Variants in UBQLN1 observed in about 807,000 individuals in gnomAD.
UBQLN1 encodes the protein ubiquilin-1.
In UBQLN1, 13 loss-of-function variants were observed where a neutral mutation model predicts 65.4. That is an observed-to-expected ratio of 0.20 (90% confidence interval 0.13 to 0.32). The LOEUF is 0.32. UBQLN1 is among the 10% of genes least tolerant of loss of function. UBQLN1 has a pLI of 1.00. For synonymous variants in UBQLN1, 267 were observed against 247.8 expected, an observed-to-expected ratio of 1.08 and a Z score of -0.73; for missense variants, 561 against 724.0, an observed-to-expected ratio of 0.77 and a Z score of 2.58.
At chr9:83,681,116 T>C (rs1443384584) in intron 3 of UBQLN1, among the ~76,000 whole-genome samples, 1 of 152,206 alleles carries the variant, frequency 6.6e-6, no homozygotes, top group Non-Finnish European at 1.5e-5. Flanking sequence ...AATTCACCTA[T>C]AAACACTGGG....
chr9:83,677,584 A>G (rs1831857099), intron 6 of UBQLN1, 143 bp downstream of exon 6: 1 of 685,160 alleles, frequency 1.5e-6, no homozygotes, highest in Admixed American at 3.2e-5. Context: ...ACAAAACAAA[A>G]CAAAAGCAAC....
In UBQLN1 at chr9:83,707,609, C is replaced by T. The variant is rs772831475; in HGVS notation, c.71G>A (p.Gly24Asp). Reference protein sequence around the residue: ...QDSAAGAEGAGAPAAAASAEP... With the variant: ...QDSAAGAEGADAPAAAASAEP... ...CGCGGAGGCAGCGGCCGCGGGGGCG[C>T]CAGCACCTTCGGCTCCGGCGGCGCT... Residue 24 changes from glycine to aspartate, a missense_variant, in exon 1 of 11, where the codon GGC becomes GAC. By Grantham distance (94) the Gly-to-Asp change is moderately conservative. Transcript: ENST00000376395. 1 of 1,594,462 alleles carries T rather than the reference C, an allele frequency of 6.3e-7. No homozygotes were observed. The highest frequency in any genetic ancestry group is 1.1e-5 in the South Asian group (1 of 88,778).
At chr9:83,695,112 A>ACCT in intron 1 of UBQLN1, among the ~76,000 whole-genome samples, 1 of 152,114 alleles carries the variant, frequency 6.6e-6, no homozygotes, top group Admixed American at 6.5e-5. Context: ...TAAAAATTAT[A>ACCT]TATGAACATA....
Position 83,679,943 on chromosome 9 carries a change from A to G in UBQLN1, c.543T>C (p.Ser181=). 1 of 1,614,192 alleles carries G rather than the reference A, an allele frequency of 6.2e-7. No homozygotes were observed. ...LQSQMQRQLL[S]NPEMMVQIME... is the part of the protein sequence containing the mutation. ...TGATCTGGACCATCATTTCAGGGTT[A>G]GACAAAAGTTGTCGCTGCATCTGAC... is the stretch of plus-strand genomic sequence containing the variant. The change falls in exon 4 of 11, where the codon TCT becomes TCC. Residue 181 remains serine, a synonymous_variant. Coordinates refer to ENST00000376395, the MANE Select transcript of UBQLN1 (RefSeq NM_013438.5).
At position 83,677,797 on chromosome 9, in the gene UBQLN1, A is replaced by G; in HGVS notation, c.1035T>C (p.Thr345=). Residue 345 remains threonine (T), a synonymous_variant, in exon 6 of 11, where the codon ACT becomes ACC. Coordinates refer to ENST00000376395, the MANE Select transcript of UBQLN1 (RefSeq NM_013438.5). ...SSGTASTVGG[T]TGSTASGTSG... is the part of the protein sequence containing the mutation. The stretch of plus-strand genomic sequence containing the variant: ...AAGTGCCACTGGCAGTACTACCAGT[A>G]GTGCCACCCACAGTGCTGGCAGTGC... The G allele has an allele frequency of 6.2e-7, 1 of 1,614,170 alleles. No individual in the cohort carries two copies.
intron 6 of UBQLN1, among the ~76,000 whole-genome samples, chr9:83,671,319 T>G (rs529583147): frequency 3.3e-5 from 5 of 152,334 alleles, no homozygotes; most frequent in African/African-American, 1.2e-4. Context: ...TTGAGAATGG[T>G]GAATGAATCC....
At chr9:83,695,561 G>A (rs1023755826) in intron 1 of UBQLN1, among the ~76,000 whole-genome samples, 1 of 151,802 alleles carries the variant, frequency 6.6e-6, no homozygotes, top group African/African-American at 2.4e-5. Flanking sequence ...TATGTAAAAG[G>A]TATTTTTTAA....
intron 4 of UBQLN1, among the ~76,000 whole-genome samples, chr9:83,679,141 TC>T (rs907792791): frequency 6.6e-6 from 1 of 151,942 alleles, no homozygotes; most frequent in African/African-American, 2.4e-5. Flanking sequence ...GGGGCCAGTT[TC>T]CCCCCCAAAA....
At chr9:83,704,551 GC>G (rs1385116000) in intron 1 of UBQLN1, among the ~76,000 whole-genome samples, 1 of 152,194 alleles carries the variant, frequency 6.6e-6, no homozygotes. Context: ...TGGGCCGGGT[GC>G]CCGGTGGTTC....
chr9:83,689,450 A>G (rs912334679), intron 1 of UBQLN1, among the ~76,000 whole-genome samples: 7 of 152,244 alleles, frequency 4.6e-5, no homozygotes, highest in African/African-American at 1.7e-4. Context: ...AACAATTAAC[A>G]TATGACCTAA....
chr9:83,667,970 T>G, intron 7 of UBQLN1: 1 of 985,328 alleles, frequency 1.0e-6, no homozygotes, highest in Non-Finnish European at 1.2e-6. Flanking sequence ...TAAAGTAAGA[T>G]TATTACAAAA....
In UBQLN1 at chr9:83,664,844, G is replaced by A. The variant is rs182848923; in HGVS notation, c.1448+186C>T. Among the ~76,000 whole-genome samples, 395 of 147,938 alleles carry A rather than the reference G, an allele frequency of 2.7e-3. 1 individual carries two copies. Among genetic ancestry groups the A allele is most frequent in the African/African-American group, 9.4e-3 (376 of 40,188 alleles). On this transcript the variant is annotated intron_variant, in intron 9 of 10. Coordinates refer to ENST00000376395, the MANE Select transcript of UBQLN1 (RefSeq NM_013438.5). ...TGAGGTGAGAGAATCCCTTGAGCCC[G>A]AGAGGTCGAGGCTGCAGTGAGCCAC...
At chr9:83,677,638 C>A (rs1044614251) in intron 6 of UBQLN1, 89 bp downstream of exon 6, 3 of 943,868 alleles carry the variant, frequency 3.2e-6, no homozygotes, top group East Asian at 2.6e-5. Flanking sequence ...TACATACACA[C>A]AAAAGCACAA....
At chr9:83,694,136 T>C (rs1832171242) in intron 1 of UBQLN1, among the ~76,000 whole-genome samples, 1 of 152,230 alleles carries the variant, frequency 6.6e-6, no homozygotes, top group Non-Finnish European at 1.5e-5. Context: ...CCATCTCACC[T>C]ATTAAACATC....
intron 7 of UBQLN1, chr9:83,668,332 A>T (rs1831675849): frequency 1.0e-6 from 1 of 985,280 alleles, no homozygotes; most frequent in African/African-American, 1.7e-5. Flanking sequence ...AATTTAAGGG[A>T]TGAGATTAAC....
chr9:83,685,354 C>T (rs944946), intron 2 of UBQLN1, among the ~76,000 whole-genome samples: 107,084 of 152,118 alleles, frequency 0.7, 38,556 homozygotes, highest in East Asian at 0.88. Context: ...ACTAAGTCTT[C>T]GTATGTTATG....
intron 2 of UBQLN1, among the ~76,000 whole-genome samples, chr9:83,684,320 G>A (rs950886833): frequency 8.6e-5 from 13 of 151,514 alleles, no homozygotes; most frequent in East Asian, 2.0e-4. Flanking sequence ...TCAGCCTCCC[G>A]AGTAGCTGGG....
chr9:83,672,514 A>G (rs190630934), intron 6 of UBQLN1, among the ~76,000 whole-genome samples: 11 of 152,322 alleles, frequency 7.2e-5, no homozygotes, highest in Admixed American at 7.2e-4. Flanking sequence ...GGGAGACCCA[A>G]GAAGAGGAAG....
intron 1 of UBQLN1, among the ~76,000 whole-genome samples, chr9:83,690,051 T>C (rs183334250): frequency 2.6e-5 from 4 of 152,316 alleles, no homozygotes; most frequent in East Asian, 3.9e-4. Context: ...TCAGTACATT[T>C]TGGAATAACA....
Sources: gnomAD v4.1 joint callset for allele counts (sites outside exome capture counted in the v4.1 genomes callset) on GRCh38, gnomAD v4.1.1 for gene constraint, MANE v1.5 for transcripts, NCBI Gene and HGNC (gene_info 2026-07-23, HGNC 2026-07-21) for gene names.